The following ASCC3 variants were observed in gnomAD, a reference collection of about 807,000 sequenced individuals.
ASCC3 encodes the protein activating signal cointegrator 1 complex subunit 3, also known as ASC-1 complex subunit P200.
ASCC3 carries 158 observed loss-of-function variants against 256.3 expected under a neutral mutation model. That is an observed-to-expected ratio of 0.62 (90% confidence interval 0.54 to 0.70). ASCC3 has a LOEUF of 0.70. ASCC3 is among the 30% of genes least tolerant of loss of function. ASCC3 has a pLI of 0.00. For synonymous variants in ASCC3, 948 were observed against 883.4 expected, an observed-to-expected ratio of 1.07 and a Z score of -1.30; for missense variants, 2,259 against 2,626.0, an observed-to-expected ratio of 0.86 and a Z score of 3.05.
chr6:100,571,578 G>C (rs1367940618), intron 36 of ASCC3, among the ~76,000 whole-genome samples: 1 of 152,068 alleles, frequency 6.6e-6, no homozygotes, highest in Non-Finnish European at 1.5e-5. Flanking sequence ...AACATTTACT[G>C]ATTATTGCAA....
intron 36 of ASCC3, among the ~76,000 whole-genome samples, chr6:100,544,894 CG>C (rs998949226): frequency 2.0e-5 from 3 of 152,142 alleles, no homozygotes; most frequent in African/African-American, 7.2e-5. Context: ...CTCTCATAAA[CG>C]TAAAAATTCT....
chr6:100,851,341 T>A (rs1394273659), intron 3 of ASCC3, among the ~76,000 whole-genome samples: 1 of 152,232 alleles, frequency 6.6e-6, no homozygotes, highest in African/African-American at 2.4e-5. Flanking sequence ...AGCCTTATTA[T>A]CTAATGTAAA....
At chr6:100,640,865 G>T (rs1203821247) in intron 24 of ASCC3, among the ~76,000 whole-genome samples, 1 of 152,134 alleles carries the variant, frequency 6.6e-6, no homozygotes, top group Non-Finnish European at 1.5e-5. Context: ...AAAGTTTAAA[G>T]TCACATTAAG....
At chr6:100,548,771 A>G (rs1305167787) in intron 36 of ASCC3, among the ~76,000 whole-genome samples, 3 of 151,886 alleles carry the variant, frequency 2.0e-5, no homozygotes, top group Admixed American at 2.0e-4. Flanking sequence ...TGAAAAGAGA[A>G]GTGAGGAGTG....
intron 39 of ASCC3, among the ~76,000 whole-genome samples, chr6:100,514,374 T>C (rs1030957754): frequency 6.6e-6 from 1 of 152,146 alleles, no homozygotes; most frequent in African/African-American, 2.4e-5. Context: ...TGTAAAGCAT[T>C]TGACTTTGTC....
intron 36 of ASCC3, among the ~76,000 whole-genome samples, chr6:100,545,732 C>T (rs1026073819): frequency 2.0e-5 from 3 of 152,138 alleles, no homozygotes; most frequent in African/African-American, 2.4e-5. Context: ...CATGCACCAC[C>T]ATGCTTGGCT....
intron 8 of ASCC3, among the ~76,000 whole-genome samples, chr6:100,782,954 G>C (rs1782514361): frequency 6.6e-6 from 1 of 151,738 alleles, no homozygotes; most frequent in Non-Finnish European, 1.5e-5. Context: ...ACAAATAAAA[G>C]GCTTCTCAGT....
chr6:100,794,098 G>C (rs1317218503), intron 8 of ASCC3, among the ~76,000 whole-genome samples: 1 of 151,936 alleles, frequency 6.6e-6, no homozygotes, highest in Non-Finnish European at 1.5e-5. Context: ...CTTAATTTAG[G>C]CTTGCAGCTT....
At chr6:100,804,769 G>A (rs889361509) in intron 5 of ASCC3, among the ~76,000 whole-genome samples, 1 of 152,122 alleles carries the variant, frequency 6.6e-6, no homozygotes, top group Non-Finnish European at 1.5e-5. Context: ...TGGCTCAGCC[G>A]CAGAAAACAG....
intron 25 of ASCC3, among the ~76,000 whole-genome samples, chr6:100,635,022 T>C (rs962821319): frequency 1.3e-5 from 2 of 152,006 alleles, no homozygotes; most frequent in Non-Finnish European, 2.9e-5. Flanking sequence ...AAATTAAGCA[T>C]AGAACTATCC....
At chr6:100,701,038 C>A (rs1224024648) in intron 13 of ASCC3, among the ~76,000 whole-genome samples, 3 of 152,082 alleles carry the variant, frequency 2.0e-5, no homozygotes, top group Non-Finnish European at 4.4e-5. Context: ...TGTGTCCCCA[C>A]CCTAATCTCA....
At chr6:100,658,661 C>G (rs1297208723) in intron 16 of ASCC3, among the ~76,000 whole-genome samples, 1 of 151,370 alleles carries the variant, frequency 6.6e-6, no homozygotes, top group East Asian at 1.9e-4. Flanking sequence ...GTGACAGTAT[C>G]TCTATTTACA....
chr6:100,581,549 T>C (rs1457457012), intron 36 of ASCC3, among the ~76,000 whole-genome samples: 1 of 151,080 alleles, frequency 6.6e-6, no homozygotes, highest in Non-Finnish European at 1.5e-5. Context: ...TTCACTCTGA[T>C]GGTAGTTTCT....
chr6:100,652,762 G>C lies in ASCC3; in HGVS notation c.2951C>G (p.Thr984Ser). 1.2e-6 allele frequency: 2 copies of C among 1,613,838 alleles called. No individual in the cohort carries two copies. Among genetic ancestry groups the C allele is most frequent in the Non-Finnish European group, 1.7e-6 (2 of 1,179,896 alleles). ...GYFSSTDLGRTASHYYIKYNT... is the reference protein window; with the variant it reads ...GYFSSTDLGRSASHYYIKYNT... The stretch of plus-strand genomic sequence containing the variant: ...GTATTTAATATAGTAATGGCTGGCA[G>C]TTCTACCCAAATCAGTTGAGGAAAA... The change falls in exon 18 of 42, where the codon ACT (threonine) becomes AGT (serine). Residue 984 changes from threonine to serine, a missense_variant. Physicochemically the swap from Thr to Ser is moderately conservative, Grantham distance 58. This residue lies in a region of ASCC3 where 1,839 missense variants were observed against 2,206.7 expected (regional missense o/e 0.83). Coordinates refer to ENST00000369162, the MANE Select transcript of ASCC3 (RefSeq NM_006828.4).
intron 10 of ASCC3, among the ~76,000 whole-genome samples, chr6:100,743,440 G>A (rs747719030): frequency 3.3e-4 from 50 of 151,988 alleles, no homozygotes; most frequent in Non-Finnish European, 6.0e-4. Flanking sequence ...CTCCTGTCTC[G>A]TGACTTCCCC....
intron 10 of ASCC3, among the ~76,000 whole-genome samples, chr6:100,761,261 C>G (rs6925316): frequency 0.55 from 83,458 of 151,932 alleles, 23,291 homozygotes; most frequent in South Asian, 0.75. Flanking sequence ...GAGGCCGAGG[C>G]AAGAGGACTA....
intron 14 of ASCC3, among the ~76,000 whole-genome samples, chr6:100,677,070 A>G (rs1357741003): frequency 1.3e-5 from 2 of 152,108 alleles, no homozygotes; most frequent in Admixed American, 6.5e-5. Flanking sequence ...ATGGGAGGAA[A>G]TGTCTCCCAC....
chr6:100,739,598 C>T (rs1036365945), intron 10 of ASCC3, among the ~76,000 whole-genome samples: 23 of 152,102 alleles, frequency 1.5e-4, no homozygotes, highest in African/African-American at 5.6e-4. Context: ...CTATGTATTA[C>T]CACCTCTATT....
rs952226741 is a variant in ASCC3 at position 100,726,381 on chromosome 6, C to T, written c.1738-678G>A. The stretch of plus-strand genomic sequence containing the variant: ...AATAAATACAAACGTGGCCATCTAC[C>T]TCACCACCAACTTAGAACAGTATGC... On this transcript the variant is annotated intron_variant, in intron 10 of 41. Transcript: ENST00000369162. Among the ~76,000 whole-genome samples, 7 of 151,966 alleles carry T rather than the reference C, an allele frequency of 4.6e-5. No homozygotes were observed. The East Asian group carries it at 1.4e-3, about 29-fold the overall frequency.
Sources: gnomAD v4.1 joint callset for allele counts (sites outside exome capture counted in the v4.1 genomes callset) on GRCh38, gnomAD v4.1.1 for gene constraint, gnomAD v4.1.1 regional missense constraint, MANE v1.5 for transcripts, NCBI Gene and HGNC (gene_info 2026-07-23, HGNC 2026-07-21) for gene names.